Variants in ARFGEF3 observed in about 807,000 individuals in gnomAD.
ARFGEF3 encodes the protein ARFGEF family member 3, also known as brefeldin A-inhibited guanine nucleotide-exchange protein 3.
A neutral mutation model predicts 221.7 loss-of-function variants in ARFGEF3; 96 were observed. The ratio of observed to expected loss-of-function variants is 0.43; its 90% CI spans 0.37 to 0.51. The LOEUF (loss-of-function observed/expected upper bound fraction) is 0.51, where lower values mean the gene tolerates loss of function less well. ARFGEF3 is among the 20% of genes least tolerant of loss of function. The pLI is 0.00. For synonymous variants in ARFGEF3, 1,145 were observed against 1,126.8 expected (o/e 1.02, Z -0.32); for missense variants, 2,410 against 2,789.9 (o/e 0.86, Z 3.07).
At chr6:138,201,384 C>A (rs539166616) in intron 2 of ARFGEF3, among the ~76,000 whole-genome samples, 1 of 152,292 alleles carries the variant, frequency 6.6e-6, no homozygotes, top group African/African-American at 2.4e-5. Flanking sequence ...GTTTATAGCA[C>A]CACAATTCAC....
chr6:138,281,435 T>C (rs1007801695), intron 14 of ARFGEF3, among the ~76,000 whole-genome samples: 1 of 152,202 alleles, frequency 6.6e-6, no homozygotes, highest in Non-Finnish European at 1.5e-5. Flanking sequence ...CTGAGTATAG[T>C]AGCCAACAGT....
chr6:138,272,512 T>C (rs1779022222), intron 12 of ARFGEF3, among the ~76,000 whole-genome samples: 1 of 152,242 alleles, frequency 6.6e-6, no homozygotes. Context: ...TGAAAAAATA[T>C]CATGTAATTT....
At chr6:138,284,540 C>T (rs1401682363) in intron 14 of ARFGEF3, among the ~76,000 whole-genome samples, 4 of 152,152 alleles carry the variant, frequency 2.6e-5, no homozygotes, top group Admixed American at 2.6e-4. Flanking sequence ...CTTCTCAACC[C>T]AACTCCAGTC....
At chr6:138,267,691 A>G (rs1280990988) in intron 12 of ARFGEF3, among the ~76,000 whole-genome samples, 2 of 152,208 alleles carry the variant, frequency 1.3e-5, no homozygotes, top group African/African-American at 4.8e-5. Context: ...TTTCAAATCA[A>G]TACTTATTTA....
intron 1 of ARFGEF3, among the ~76,000 whole-genome samples, chr6:138,165,726 G>C (rs750109321): frequency 1.3e-5 from 2 of 151,806 alleles, no homozygotes; most frequent in Non-Finnish European, 2.9e-5. Flanking sequence ...ACACTCATGA[G>C]AGACTGAGAC....
intron 4 of ARFGEF3, among the ~76,000 whole-genome samples, chr6:138,210,307 AATGT>A (rs1334944858): frequency 6.6e-6 from 1 of 152,126 alleles, no homozygotes; most frequent in East Asian, 1.9e-4. Context: ...CTTTTAAGAG[AATGT>A]ATGTGAGTAG....
chr6:138,275,589 C>G (rs1186882814), intron 12 of ARFGEF3, among the ~76,000 whole-genome samples: 1 of 151,918 alleles, frequency 6.6e-6, no homozygotes, highest in South Asian at 2.1e-4. Context: ...ACTAAAAATA[C>G]AAAAATTAGC....
chr6:138,188,474 TAA>T, intron 2 of ARFGEF3, among the ~76,000 whole-genome samples: 1 of 150,078 alleles, frequency 6.7e-6, no homozygotes, highest in African/African-American at 2.4e-5. Flanking sequence ...TTCAGTGTGT[TAA>T]AAAAAAAATA....
rs551486421 is a variant in ARFGEF3, at chr6:138,166,257, A to C, written c.85+4086A>C. On this transcript the variant is annotated intron_variant, in intron 1 of 33. Coordinates refer to ENST00000251691, the MANE Select transcript of ARFGEF3 (RefSeq NM_020340.5). The stretch of plus-strand genomic sequence containing the variant: ...ATAATATTCATCTTTTTCTATTTAT[A>C]AGAGTTATATATGTTCACTTTAGAA... Among the ~76,000 whole-genome samples, 3 of 152,372 alleles carry C rather than the reference A, an allele frequency of 2.0e-5. No individual in the cohort carries two copies. In the South Asian group the frequency reaches 6.2e-4, roughly 32 times the overall value.
In ARFGEF3 at chr6:138,319,754, C is replaced by G. The variant is rs757971940; in HGVS notation, c.4526C>G (p.Ser1509Cys). 15 of 1,613,456 alleles carry G rather than the reference C, an allele frequency of 9.3e-6. No homozygotes were observed. In the Admixed American group the frequency reaches 1.2e-4, roughly 13 times the overall value. ...AVVHLLLPVM[S>C]VWLRRSHKDH... ...GTTCACCTCCTCCTTCCTGTGATGT[C>G]CGTTTGGCTCCGCCGGAGCCATAAA... The change falls in exon 28 of 34, where the codon TCC becomes TGC. Residue 1509 changes from serine (S) to cysteine (C), a missense_variant. Physicochemically the swap from Ser to Cys is moderately radical, Grantham distance 112. Transcript: ENST00000251691.
rs1247476671 is a variant in ARFGEF3 at position 138,285,943 on chromosome 6, C to T, written c.2462-3C>T. 3 of 1,598,338 alleles carry T rather than the reference C, an allele frequency of 1.9e-6. No homozygotes were observed. The highest frequency in any genetic ancestry group is 2.6e-6 in the Non-Finnish European group (3 of 1,167,602). On this transcript the variant is annotated splice_region_variant and splice_polypyrimidine_tract_variant and intron_variant, in intron 14 of 33. Coordinates refer to ENST00000251691, the MANE Select transcript of ARFGEF3 (RefSeq NM_020340.5). ...GGAAAACTTCTTTCTTTTTCCTTGA[C>T]AGATATTGACGGCTTAGAGAGCAGT...
intron 8 of ARFGEF3, among the ~76,000 whole-genome samples, chr6:138,251,480 T>G (rs1339155441): frequency 6.6e-6 from 1 of 152,156 alleles, no homozygotes; most frequent in East Asian, 1.9e-4. Flanking sequence ...ATTTGTCCTG[T>G]CCACTCTCTT....
chr6:138,250,582 C>A (rs977814362), intron 8 of ARFGEF3, among the ~76,000 whole-genome samples: 2 of 152,204 alleles, frequency 1.3e-5, no homozygotes, highest in African/African-American at 4.8e-5. Flanking sequence ...CTAAGGAAAG[C>A]AAAGTCAAAA....
intron 12 of ARFGEF3, among the ~76,000 whole-genome samples, chr6:138,264,310 A>C (rs908079494): frequency 6.6e-6 from 1 of 152,232 alleles, no homozygotes; most frequent in South Asian, 2.1e-4. Context: ...TTCACATAGT[A>C]AATAATTATT....
chr6:138,298,503 C>G, intron 21 of ARFGEF3, 103 bp from the exon 22 acceptor site: 1 of 825,570 alleles, frequency 1.2e-6, no homozygotes. Context: ...AACAGAATTG[C>G]TGCTTCCACC....
intron 2 of ARFGEF3, among the ~76,000 whole-genome samples, chr6:138,185,403 G>A (rs774360114): frequency 1.3e-5 from 2 of 152,176 alleles, no homozygotes; most frequent in African/African-American, 2.4e-5. Context: ...GCAGCTGAAC[G>A]CACCCTAACT....
At chr6:138,184,928 G>A (rs1036529106) in intron 2 of ARFGEF3, among the ~76,000 whole-genome samples, 4 of 152,128 alleles carry the variant, frequency 2.6e-5, no homozygotes, top group South Asian at 2.1e-4. Context: ...AATACACAAG[G>A]GTATTCTTAG....
intron 10 of ARFGEF3, among the ~76,000 whole-genome samples, chr6:138,256,875 C>T (rs1384877114): frequency 6.6e-6 from 1 of 152,046 alleles, no homozygotes; most frequent in African/African-American, 2.4e-5. Flanking sequence ...GCATGGACCT[C>T]CTATGTTCAA....
chr6:138,163,645 C>T (rs1473677572), intron 1 of ARFGEF3, among the ~76,000 whole-genome samples: 1 of 152,136 alleles, frequency 6.6e-6, no homozygotes, highest in Non-Finnish European at 1.5e-5. Context: ...ACATCAACAT[C>T]TTATTAAGTG....
Sources: gnomAD v4.1 joint callset for allele counts (sites outside exome capture counted in the v4.1 genomes callset) on GRCh38, gnomAD v4.1.1 for gene constraint, MANE v1.5 for transcripts, NCBI Gene and HGNC (gene_info 2026-07-23, HGNC 2026-07-21) for gene names.